EFCAB6: variants seen among roughly 807,000 people sequenced by gnomAD.
EFCAB6 encodes EF-hand calcium-binding domain-containing protein 6.
A neutral mutation model predicts 169.8 loss-of-function variants in EFCAB6; 156 were observed. The observed-to-expected ratio is 0.92, with a 90% CI of 0.81 to 1.05. The LOEUF (loss-of-function observed/expected upper bound fraction) is 1.05. Among genes scored for constraint, EFCAB6 ranks in the 50% least tolerant of loss-of-function variants. EFCAB6 has a pLI of 0.00. For missense variants in EFCAB6, 1,800 were observed against 1,829.1 expected (o/e 0.98, Z 0.29); for synonymous variants, 698 against 676.4 (o/e 1.03, Z -0.50).
intron 8 of EFCAB6, among the ~76,000 whole-genome samples, chr22:43,725,712 AG>A (rs568733484): frequency 2.8e-4 from 43 of 152,358 alleles, no homozygotes; most frequent in African/African-American, 1.0e-3. Flanking sequence ...GGCTGGTGTC[AG>A]CAATTCAGCC....
chr22:43,665,142 C>T (rs371417810), intron 17 of EFCAB6, among the ~76,000 whole-genome samples: 2 of 152,128 alleles, frequency 1.3e-5, no homozygotes, highest in Non-Finnish European at 2.9e-5. Flanking sequence ...GTAGGCGGAG[C>T]GGCCCCTCTT....
chr22:43,649,990 GC>G (rs2056387257), intron 17 of EFCAB6, among the ~76,000 whole-genome samples: 2 of 152,304 alleles, frequency 1.3e-5, no homozygotes, highest in South Asian at 4.1e-4. Flanking sequence ...TAAGAAACAT[GC>G]CCAACACTCT....
chr22:43,761,061 G>A (rs76449121), intron 5 of EFCAB6, among the ~76,000 whole-genome samples: 17,889 of 152,204 alleles, frequency 0.12, 1,136 homozygotes, highest in Middle Eastern at 0.18. Context: ...TGGGATTACA[G>A]GCGTAAGCCA....
At chr22:43,769,783 A>C (rs2061413893) in intron 4 of EFCAB6, among the ~76,000 whole-genome samples, 1 of 152,074 alleles carries the variant, frequency 6.6e-6, no homozygotes, top group Admixed American at 6.5e-5. Context: ...GTCAGTGCCC[A>C]TGAGGGTGCT....
chr22:43,764,145 A>C (rs2061252724), intron 5 of EFCAB6, among the ~76,000 whole-genome samples: 1 of 152,132 alleles, frequency 6.6e-6, no homozygotes, highest in Non-Finnish European at 1.5e-5. Context: ...TGGGGTACAA[A>C]TAATCCTGTC....
chr22:43,715,184 T>C (rs1383570063), intron 9 of EFCAB6, among the ~76,000 whole-genome samples: 1 of 152,198 alleles, frequency 6.6e-6, no homozygotes, highest in African/African-American at 2.4e-5. Flanking sequence ...GGGGACCTAA[T>C]AAGTCTTGCG....
At chr22:43,590,906 G>C (rs1011651787) in intron 23 of EFCAB6, among the ~76,000 whole-genome samples, 1 of 152,170 alleles carries the variant, frequency 6.6e-6, no homozygotes, top group Non-Finnish European at 1.5e-5. Flanking sequence ...GGCAGTGAGC[G>C]AAGAGTGTGG....
chr22:43,548,463 C>G (rs1253028432), intron 27 of EFCAB6, among the ~76,000 whole-genome samples: 1 of 133,854 alleles, frequency 7.5e-6, no homozygotes, highest in Non-Finnish European at 1.5e-5. Context: ...TTGCTTGAAC[C>G]CAGGAGGTAG....
At chr22:43,687,631 T>A in intron 10 of EFCAB6, 50 bp from the exon 11 acceptor site, 1 of 1,107,100 alleles carries the variant, frequency 9.0e-7, no homozygotes, top group Non-Finnish European at 1.3e-6. Context: ...ATTTTTTCTA[T>A]AACACTGCAT....
At chr22:43,772,554 T>A (rs961043522) in intron 4 of EFCAB6, among the ~76,000 whole-genome samples, 1 of 150,980 alleles carries the variant, frequency 6.6e-6, no homozygotes, top group African/African-American at 2.4e-5. Flanking sequence ...GGCCAGAGAA[T>A]TGCTTGAACC....
chr22:43,618,792 A>C (rs1485592616), intron 20 of EFCAB6, among the ~76,000 whole-genome samples: 1 of 152,202 alleles, frequency 6.6e-6, no homozygotes. Flanking sequence ...GCACTTTTGT[A>C]ATGGTGCCAA....
At chr22:43,582,084 C>A (rs908651258) in intron 24 of EFCAB6, among the ~76,000 whole-genome samples, 1 of 152,072 alleles carries the variant, frequency 6.6e-6, no homozygotes, top group African/African-American at 2.4e-5. Flanking sequence ...AAGTTGATCA[C>A]CCGCATTGAA....
intron 20 of EFCAB6, among the ~76,000 whole-genome samples, chr22:43,619,143 C>A (rs1479491132): frequency 1.3e-5 from 2 of 151,916 alleles, no homozygotes; most frequent in Admixed American, 6.6e-5. Flanking sequence ...TGGAACTGAC[C>A]CCAAGCAGCA....
chr22:43,563,316 C>T (rs528210090), intron 26 of EFCAB6, among the ~76,000 whole-genome samples: 1 of 152,324 alleles, frequency 6.6e-6, no homozygotes, highest in East Asian at 1.9e-4. Context: ...TAAAAACAGC[C>T]ACCTCTTTGG....
chr22:43,569,544 G>A (rs1408431799), intron 26 of EFCAB6, among the ~76,000 whole-genome samples: 1 of 152,230 alleles, frequency 6.6e-6, no homozygotes, highest in African/African-American at 2.4e-5. Flanking sequence ...CATGGAGTCT[G>A]CCTGGTTCCC....
At chr22:43,584,212 G>A (rs1408382965) in intron 24 of EFCAB6, among the ~76,000 whole-genome samples, 1 of 152,148 alleles carries the variant, frequency 6.6e-6, no homozygotes, top group Non-Finnish European at 1.5e-5. Flanking sequence ...AAGTGGCAGA[G>A]GGAGGAGGAG....
intron 2 of EFCAB6, among the ~76,000 whole-genome samples, chr22:43,793,960 T>C (rs1237078776): frequency 6.6e-6 from 1 of 152,202 alleles, no homozygotes; most frequent in Non-Finnish European, 1.5e-5. Flanking sequence ...AAAGCAAGCA[T>C]ATAGCTTTAA....
At chr22:43,708,755 T>C (rs1285899163) in intron 10 of EFCAB6, among the ~76,000 whole-genome samples, 2 of 151,364 alleles carry the variant, frequency 1.3e-5, no homozygotes, top group African/African-American at 4.8e-5. Context: ...TATGATATAA[T>C]AGTAAAGGGA....
rs189186577 is a variant in EFCAB6, at chr22:43,744,952, C to A, written c.508-8959G>T. 1.3e-5 allele frequency among the ~76,000 whole-genome samples: 2 copies of A among 152,166 alleles called. No homozygotes were observed. Among genetic ancestry groups the A allele is most frequent in the African/African-American group, 2.4e-5 (1 of 41,442 alleles). On this transcript the variant is annotated intron_variant, in intron 6 of 31. Coordinates refer to ENST00000262726, the MANE Select transcript of EFCAB6 (RefSeq NM_022785.4). The surrounding 1 kb of genome is among the most constrained non-coding windows in gnomAD (Gnocchi z 4.3). ...CCACACTTGAGGTTTAAACTGAACT[C>A]GCCTGCACTGGACCTGTTTAGACCT...
Sources: allele counts gnomAD v4.1 joint callset (sites outside exome capture counted in the v4.1 genomes callset), GRCh38; gene constraint gnomAD v4.1.1; non-coding constraint Gnocchi (gnomAD v3.1); transcripts MANE v1.5; gene names NCBI Gene and HGNC (gene_info 2026-07-23, HGNC 2026-07-21).